The following GFRA2 variants were observed in gnomAD, a reference collection of about 807,000 sequenced individuals.
GFRA2 encodes GDNF family receptor alpha-2.
A neutral mutation model predicts 48.3 loss-of-function variants in GFRA2; 17 were observed. That is an observed-to-expected ratio of 0.35 (90% CI 0.24 to 0.53). The LOEUF (loss-of-function observed/expected upper bound fraction) is 0.53, where lower values mean the gene tolerates loss of function less well. GFRA2 is among the 20% of genes least tolerant of loss of function. The probability of loss-of-function intolerance (pLI) is 0.93; values close to 1 mark genes in which losing one functional copy is unlikely to be tolerated. For missense variants in GFRA2, 660 were observed against 637.3 expected, an observed-to-expected ratio of 1.04 and a Z score of -0.38; for synonymous variants, 305 against 257.2, an observed-to-expected ratio of 1.19 and a Z score of -1.78.
intron 3 of GFRA2, among the ~76,000 whole-genome samples, chr8:21,754,948 G>A (rs575004800): frequency 5.9e-5 from 9 of 152,210 alleles, no homozygotes; most frequent in African/African-American, 1.9e-4. Flanking sequence ...GAAAGGACAC[G>A]GAGAAAACCT....
chr8:21,792,683 G>A (rs1043755035), upstream of GFRA2, among the ~76,000 whole-genome samples: 5 of 152,238 alleles, frequency 3.3e-5, no homozygotes, highest in African/African-American at 1.2e-4. Context: ...ATTCAAGCTG[G>A]AGCTGGAAGG....
At chr8:21,710,565 C>T (rs78903278) in intron 4 of GFRA2, among the ~76,000 whole-genome samples, 2,046 of 152,276 alleles carry the variant, frequency 0.013, 41 homozygotes, top group East Asian at 0.068. Context: ...ATGCTGGGGA[C>T]ACAGGAAGAG....
intron 4 of GFRA2, among the ~76,000 whole-genome samples, chr8:21,710,842 C>T (rs1039309348): frequency 1.3e-5 from 2 of 152,228 alleles, no homozygotes; most frequent in African/African-American, 4.8e-5. Context: ...CCATCCTCAG[C>T]GTCCAGCAGC....
intron 1 of GFRA2, among the ~76,000 whole-genome samples, chr8:21,785,594 G>C (rs375397387): frequency 0.019 from 2,913 of 152,288 alleles, 82 homozygotes; most frequent in East Asian, 0.11. Flanking sequence ...AAGCGACACA[G>C]GGCTACAATT....
intron 1 of GFRA2, among the ~76,000 whole-genome samples, chr8:21,806,926 T>C (rs1004919295): frequency 1.3e-5 from 2 of 152,206 alleles, no homozygotes; most frequent in Non-Finnish European, 2.9e-5. Context: ...TCTATCTTCC[T>C]ATCTCAAAGG....
intron 4 of GFRA2, among the ~76,000 whole-genome samples, chr8:21,710,016 G>A (rs971288604): frequency 6.6e-6 from 1 of 152,226 alleles, no homozygotes; most frequent in Non-Finnish European, 1.5e-5. Context: ...AACAGAAGGT[G>A]AAAGCATCCA....
At chr8:21,763,219 G>A (rs1356234910) in intron 3 of GFRA2, among the ~76,000 whole-genome samples, 1 of 152,158 alleles carries the variant, frequency 6.6e-6, no homozygotes, top group Non-Finnish European at 1.5e-5. Context: ...GACTTAGTTT[G>A]GGTAAATCAA....
intron 2 of GFRA2, among the ~76,000 whole-genome samples, chr8:21,777,762 G>A (rs1006574768): frequency 6.6e-6 from 1 of 152,160 alleles, no homozygotes; most frequent in Non-Finnish European, 1.5e-5. Flanking sequence ...AGTGAAAAGG[G>A]ACCTGGATAA....
intron 3 of GFRA2, among the ~76,000 whole-genome samples, chr8:21,757,928 C>T (rs1419267946): frequency 6.6e-6 from 1 of 152,132 alleles, no homozygotes. Flanking sequence ...TTTTTCTAAC[C>T]CATTAGAATG....
rs1443569068 is a variant in GFRA2 at position 21,728,986 on chromosome 8, C to T, written c.794+21602G>A. Among the ~76,000 whole-genome samples, 6 of 152,170 alleles carry T rather than the reference C, an allele frequency of 3.9e-5. 1 individual carries two copies. The South Asian group carries it at 8.3e-4, about 21-fold the overall frequency. The stretch of plus-strand genomic sequence containing the variant: ...AGAATCGGGCATTTAGGCCTGTGCC[C>T]GAGTGGCAGATTCCGCAGTGGTGTC... On this transcript the variant is annotated intron_variant, in intron 4 of 8. Coordinates refer to ENST00000524240, the MANE Select transcript of GFRA2 (RefSeq NM_001495.5).
At chr8:21,694,538 G>A (rs748503323) in intron 7 of GFRA2, 21 bp from the exon 8 acceptor site, 5 of 1,602,832 alleles carry the variant, frequency 3.1e-6, no homozygotes, top group Non-Finnish European at 4.3e-6. Context: ...GAAGGTGCCA[G>A]TCAGGACGAG....
At position 21,784,480 on chromosome 8, in the gene GFRA2, C is replaced by CG. The variant is rs370244584; in HGVS notation, c.41-1582dup. ...GAACAGCCACTCTCAGGCCATCCCC[C>CG]GGGAGGCCCTGCTCAGGGGAGCGCT... On this transcript the variant is annotated intron_variant, in intron 1 of 8. Transcript: ENST00000524240. Among the ~76,000 whole-genome samples the CG allele has an allele frequency of 4.2e-3, 647 of 152,318 alleles. 2 individuals are homozygous for CG. The highest frequency in any genetic ancestry group is 0.015 in the African/African-American group (607 of 41,578).
chr8:21,774,132 T>C (rs1212567654), intron 3 of GFRA2, among the ~76,000 whole-genome samples: 2 of 151,604 alleles, frequency 1.3e-5, no homozygotes, highest in Non-Finnish European at 2.9e-5. Flanking sequence ...TCTCCAGCAA[T>C]CCCCTAGAGG....
intron 2 of GFRA2, among the ~76,000 whole-genome samples, chr8:21,777,440 G>C (rs1175037357): frequency 1.3e-5 from 2 of 152,168 alleles, no homozygotes; most frequent in Admixed American, 6.5e-5. Context: ...TTCCGGAACT[G>C]ATTTGGAGGG....
At chr8:21,737,924 C>T (rs913723326) in intron 4 of GFRA2, among the ~76,000 whole-genome samples, 2 of 152,230 alleles carry the variant, frequency 1.3e-5, no homozygotes, top group African/African-American at 4.8e-5. Context: ...ATGATGTTTA[C>T]CATGTGCCTG....
At chr8:21,767,878 A>C (rs923724029) in intron 3 of GFRA2, among the ~76,000 whole-genome samples, 19 of 152,334 alleles carry the variant, frequency 1.2e-4, no homozygotes, top group South Asian at 2.1e-4. Context: ...CCACAGATGA[A>C]GTCACCAACA....
chr8:21,723,864 G>C (rs1441510249), intron 4 of GFRA2, among the ~76,000 whole-genome samples: 1 of 152,208 alleles, frequency 6.6e-6, no homozygotes, highest in African/African-American at 2.4e-5. Flanking sequence ...TGGGGTGCTA[G>C]GTCAAAGGCA....
At chr8:21,768,343 T>C (rs1806279535) in intron 3 of GFRA2, among the ~76,000 whole-genome samples, 1 of 152,196 alleles carries the variant, frequency 6.6e-6, no homozygotes, top group Admixed American at 6.5e-5. Context: ...GATAAGCAGT[T>C]TATCGCCCGA....
At position 21,704,738 on chromosome 8, in the gene GFRA2, A is replaced by G. The variant is rs75980181; in HGVS notation, c.1045+247T>C. ...CTGGCTGAAGCTGTCCCAATAACAA[A>G]CCAGACCAAATAACAGGCTTGACAT... On this transcript the variant is annotated intron_variant, in intron 6 of 8. Transcript: ENST00000524240. Among the ~76,000 whole-genome samples, 671 of 152,316 alleles carry G rather than the reference A, an allele frequency of 4.4e-3. 6 individuals are homozygous for G. Among genetic ancestry groups the G allele is most frequent in the African/African-American group, 0.016 (647 of 41,558 alleles).
Sources: allele counts gnomAD v4.1 joint callset (sites outside exome capture counted in the v4.1 genomes callset), GRCh38; gene constraint gnomAD v4.1.1; transcripts MANE v1.5; gene names NCBI Gene and HGNC (gene_info 2026-07-23, HGNC 2026-07-21).